KIAA1217: variants seen among roughly 807,000 people sequenced by gnomAD.
KIAA1217 encodes KIAA1217.
In KIAA1217, 88 loss-of-function variants were observed where a neutral mutation model predicts 163.9. The observed-to-expected ratio is 0.54, with a 90% CI of 0.45 to 0.64. The LOEUF is 0.64. Ranked by LOEUF, KIAA1217 falls within the 30% of genes least tolerant of loss-of-function variation. KIAA1217 has a pLI of 0.00. For missense variants in KIAA1217, 2,372 were observed against 2,475.0 expected (o/e 0.96, Z 0.88); for synonymous variants, 903 against 923.1 (o/e 0.98, Z 0.39).
chr10:23,947,436 A>G (rs1346977756), intron 1 of KIAA1217, among the ~76,000 whole-genome samples: 3 of 152,344 alleles, frequency 2.0e-5, no homozygotes, highest in South Asian at 2.1e-4. Context: ...GTTATGTGCA[A>G]TCCATAGATA....
intron 6 of KIAA1217, among the ~76,000 whole-genome samples, chr10:24,488,957 G>A (rs1478682110): frequency 1.3e-5 from 2 of 152,224 alleles, no homozygotes; most frequent in East Asian, 1.9e-4. Context: ...ACGGCAGCTA[G>A]CATGTTACCT....
chr10:24,090,782 C>G (rs536232187), intron 2 of KIAA1217, among the ~76,000 whole-genome samples: 11 of 151,884 alleles, frequency 7.2e-5, no homozygotes, highest in African/African-American at 1.9e-4. Flanking sequence ...GCTAAGTATT[C>G]TAGAATAAAT....
chr10:24,532,562 A>G (rs1281036307), intron 15 of KIAA1217, among the ~76,000 whole-genome samples: 1 of 152,152 alleles, frequency 6.6e-6, no homozygotes, highest in Non-Finnish European at 1.5e-5. Flanking sequence ...GTGGCTGGGG[A>G]GGTCTCACAA....
chr10:24,210,763 T>G (rs1198112350), intron 1 of KIAA1217, among the ~76,000 whole-genome samples: 1 of 152,184 alleles, frequency 6.6e-6, no homozygotes, highest in Non-Finnish European at 1.5e-5. Context: ...AGACTAAAAA[T>G]ACTTGCCTTC....
intron 2 of KIAA1217, among the ~76,000 whole-genome samples, chr10:24,189,698 T>A (rs2066622841): frequency 6.6e-6 from 1 of 152,142 alleles, no homozygotes; most frequent in South Asian, 2.1e-4. Context: ...TTTGGTTTGA[T>A]GAAGAATGGA....
chr10:23,758,964 A>T (rs1834095486), intron 1 of KIAA1217, among the ~76,000 whole-genome samples: 1 of 152,010 alleles, frequency 6.6e-6, no homozygotes, highest in Non-Finnish European at 1.5e-5. Flanking sequence ...TATTAAAAAA[A>T]GTCATTGGGA....
intron 14 of KIAA1217, among the ~76,000 whole-genome samples, chr10:24,528,322 G>GTTT (rs374557035): frequency 5.2e-5 from 7 of 134,488 alleles, no homozygotes; most frequent in Non-Finnish European, 9.5e-5. Flanking sequence ...TTTTTTTTTT[G>GTTT]TTTTTTTTTT....
chr10:24,130,177 A>G (rs1041792057), intron 2 of KIAA1217, among the ~76,000 whole-genome samples: 3 of 152,188 alleles, frequency 2.0e-5, no homozygotes, highest in Non-Finnish European at 4.4e-5. Context: ...TATTATTATT[A>G]TTAATTTAGA....
At chr10:23,907,961 A>C (rs1842241974) in intron 1 of KIAA1217, among the ~76,000 whole-genome samples, 1 of 152,168 alleles carries the variant, frequency 6.6e-6, no homozygotes, top group African/African-American at 2.4e-5. Flanking sequence ...GATGTGAAGA[A>C]GAAAATTCTT....
At chr10:24,097,407 G>T (rs2062206533) in intron 2 of KIAA1217, among the ~76,000 whole-genome samples, 1 of 152,042 alleles carries the variant, frequency 6.6e-6, no homozygotes, top group African/African-American at 2.4e-5. Flanking sequence ...AAAAACATTA[G>T]CCAAGTGTGG....
rs562627051 is a variant in KIAA1217 at position 24,038,832 on chromosome 10, A to G, written c.-171+31458A>G. Among the ~76,000 whole-genome samples the G allele has an allele frequency of 2.1e-5, 3 of 145,476 alleles. 1 individual carries two copies. Among genetic ancestry groups the G allele is most frequent in the African/African-American group, 7.7e-5 (3 of 39,006 alleles). On this transcript the variant is annotated intron_variant, in intron 2 of 18. Transcript: ENST00000376462. ...AGTAGCACGATCTCAGCTCACTGCAACCTCTGCCTCCAGGGCTCAGGTGAT... is the reference window on the plus strand; with the variant it reads ...AGTAGCACGATCTCAGCTCACTGCAGCCTCTGCCTCCAGGGCTCAGGTGAT...
intron 1 of KIAA1217, among the ~76,000 whole-genome samples, chr10:23,715,591 C>T (rs1564361250): frequency 6.6e-6 from 1 of 152,078 alleles, no homozygotes; most frequent in Non-Finnish European, 1.5e-5. Context: ...TTTTATGACT[C>T]ACCATGTAAA....
intron 2 of KIAA1217, among the ~76,000 whole-genome samples, chr10:24,184,618 A>G (rs1449447957): frequency 1.3e-5 from 2 of 152,218 alleles, no homozygotes; most frequent in African/African-American, 2.4e-5. Flanking sequence ...GGCCTCAAGA[A>G]ACTCCCAATG....
intron 2 of KIAA1217, among the ~76,000 whole-genome samples, chr10:24,354,957 C>A (rs753687188): frequency 4.6e-5 from 7 of 152,214 alleles, no homozygotes; most frequent in Non-Finnish European, 7.3e-5. Context: ...TTCCCTGCCT[C>A]CTGTCCATGT....
intron 3 of KIAA1217, among the ~76,000 whole-genome samples, chr10:24,420,345 C>T (rs942352209): frequency 1.3e-5 from 2 of 151,980 alleles, no homozygotes; most frequent in African/African-American, 4.8e-5. Flanking sequence ...TATTTATATC[C>T]ATTTTTGGAT....
intron 5 of KIAA1217, among the ~76,000 whole-genome samples, chr10:24,448,072 G>A (rs944226173): frequency 2.6e-5 from 4 of 152,132 alleles, no homozygotes; most frequent in African/African-American, 4.8e-5. Flanking sequence ...AGAGATTGCA[G>A]TGAGCCAAGA....
chr10:24,438,362 A>G (rs2060231834), intron 4 of KIAA1217, 24 bp from the exon 5 acceptor site: 1 of 1,539,424 alleles, frequency 6.5e-7, no homozygotes, highest in South Asian at 1.1e-5. Flanking sequence ...CATCTGCCAT[A>G]GTTATCGATG....
At chr10:24,059,236 C>T (rs2060631252) in intron 2 of KIAA1217, among the ~76,000 whole-genome samples, 1 of 152,072 alleles carries the variant, frequency 6.6e-6, no homozygotes, top group Non-Finnish European at 1.5e-5. Context: ...TTCACTTGGT[C>T]ATGGTGTGTG....
chr10:24,333,410 C>T (rs2045946161), intron 2 of KIAA1217, among the ~76,000 whole-genome samples: 1 of 152,056 alleles, frequency 6.6e-6, no homozygotes, highest in Non-Finnish European at 1.5e-5. Flanking sequence ...ACATTTATTC[C>T]TCAAAGCGTA....
Sources: allele counts gnomAD v4.1 joint callset (sites outside exome capture counted in the v4.1 genomes callset), GRCh38; gene constraint gnomAD v4.1.1; transcripts MANE v1.5; gene names NCBI Gene and HGNC (gene_info 2026-07-23, HGNC 2026-07-21).